The following MOV10L1 variants were observed in gnomAD, a reference collection of about 807,000 sequenced individuals.
MOV10L1 encodes the protein RNA helicase Mov10l1.
A neutral mutation model predicts 143.8 loss-of-function variants in MOV10L1; 110 were observed. The ratio of observed to expected loss-of-function variants is 0.76; its 90% confidence interval spans 0.66 to 0.90. The LOEUF (loss-of-function observed/expected upper bound fraction) is 0.90. Ranked by LOEUF, MOV10L1 falls within the 40% of genes least tolerant of loss-of-function variation. MOV10L1 has a pLI of 0.00. For missense variants in MOV10L1, 1,406 were observed against 1,526.8 expected, an observed-to-expected ratio of 0.92 and a Z score of 1.32; for synonymous variants, 593 against 581.1, an observed-to-expected ratio of 1.02 and a Z score of -0.29.
chr22:50,155,442 C>T (rs190048534), intron 22 of MOV10L1, among the ~76,000 whole-genome samples: 90 of 151,542 alleles, frequency 5.9e-4, no homozygotes, highest in African/African-American at 2.1e-3. Flanking sequence ...CGTATTTTTA[C>T]TGCTTTATCT....
chr22:50,114,245 A>G, intron 6 of MOV10L1, 136 bp from the exon 7 acceptor site: 3 of 1,136,702 alleles, frequency 2.6e-6, no homozygotes, highest in Non-Finnish European at 3.7e-6. Flanking sequence ...TTTTTACCCA[A>G]AAATGACCTT....
intron 24 of MOV10L1, among the ~76,000 whole-genome samples, chr22:50,160,123 C>T (rs1023899168): frequency 2.0e-5 from 3 of 152,028 alleles, no homozygotes; most frequent in Non-Finnish European, 1.5e-5. Flanking sequence ...TAAGACCCCG[C>T]CATCCAGACA....
Position 50,153,122 on chromosome 22 carries a change from A to G in MOV10L1, c.2970A>G (p.Glu990=). ...MLPSRLFYHR[E]LEVCADPTVV... is the part of the protein sequence containing the mutation. ...CCTCACGGCTGTTCTACCACAGGGA[A>G]CTCGAGGTCTGTGCGGACCCCACAG... The change falls in exon 22 of 27, where the codon GAA becomes GAG. Residue 990 remains glutamate (E), a synonymous_variant. Coordinates refer to ENST00000262794, the MANE Select transcript of MOV10L1 (RefSeq NM_018995.3). The G allele has an allele frequency of 6.2e-7, 1 of 1,613,834 alleles. No homozygotes were observed. The highest frequency in any genetic ancestry group is 8.5e-7 in the Non-Finnish European group (1 of 1,179,768).
intron 2 of MOV10L1, chr22:50,093,379 T>A (rs2062503957): frequency 6.6e-6 from 1 of 152,202 alleles, no homozygotes; most frequent in African/African-American, 2.4e-5. Flanking sequence ...TATAGTTTCA[T>A]TTTTTGTAGT....
intron 19 of MOV10L1, 128 bp downstream of exon 19, chr22:50,145,938 C>G (rs532012631): frequency 3.6e-6 from 5 of 1,404,070 alleles, no homozygotes; most frequent in Admixed American, 4.0e-5. Flanking sequence ...GGGCTGTGGG[C>G]GAGAAAGGCT....
At chr22:50,129,273 C>A (rs1569304711) in intron 13 of MOV10L1, among the ~76,000 whole-genome samples, 1 of 152,152 alleles carries the variant, frequency 6.6e-6, no homozygotes. Context: ...GTTTTCTTGT[C>A]GGATGAGGGG....
In MOV10L1 at chr22:50,144,616, G is replaced by C. The variant is rs368436444; in HGVS notation, c.2505+373G>C. Among the ~76,000 whole-genome samples the C allele has an allele frequency of 1.2e-3, 187 of 150,826 alleles. 4 individuals carry two copies. Among genetic ancestry groups the C allele is most frequent in the East Asian group, 5.3e-3 (27 of 5,126 alleles). On this transcript the variant is annotated intron_variant, in intron 18 of 26. Transcript: ENST00000262794. Reference sequence around the variant, plus strand: ...TTTTTTTTTGAGACGGAGTCTCGCTGTGTCGCCCAGGCTGAAGTGCAGTGG... The same window carrying C: ...TTTTTTTTTGAGACGGAGTCTCGCTCTGTCGCCCAGGCTGAAGTGCAGTGG...
intron 9 of MOV10L1, among the ~76,000 whole-genome samples, chr22:50,118,668 A>G (rs2062249492): frequency 6.6e-6 from 1 of 152,170 alleles, no homozygotes; most frequent in Admixed American, 6.6e-5. Context: ...AGGTCTGGAA[A>G]GGCCTTGGGT....
At chr22:50,091,885 G>A in intron 1 of MOV10L1, 116 bp from the exon 2 acceptor site, 6 of 936,334 alleles carry the variant, frequency 6.4e-6, no homozygotes, top group Non-Finnish European at 9.7e-6. Flanking sequence ...TTCGGAGTCA[G>A]TGCCTCCGAA....
In MOV10L1 at chr22:50,113,571, T is replaced by A. The variant is rs1381497289; in HGVS notation, c.744-77T>A. ...CCTCTGAGTGCCCCCACCAGCAGTCTATCCTCAGGAGCGGAGGCAGGCGAG... is the reference window on the plus strand; with the variant it reads ...CCTCTGAGTGCCCCCACCAGCAGTCAATCCTCAGGAGCGGAGGCAGGCGAG... On this transcript the variant is annotated intron_variant, in intron 5 of 26. Coordinates refer to ENST00000262794, the MANE Select transcript of MOV10L1 (RefSeq NM_018995.3). 1.9e-6 allele frequency: 3 copies of A among 1,550,766 alleles called. No homozygotes were observed. The African/African-American group carries it at 4.1e-5, about 21-fold the overall frequency.
At chr22:50,111,459 G>A (rs1220192917) in intron 5 of MOV10L1, among the ~76,000 whole-genome samples, 1 of 147,814 alleles carries the variant, frequency 6.8e-6, no homozygotes, top group Non-Finnish European at 1.5e-5. Flanking sequence ...TTTTGGCATG[G>A]TGAGTGGGGT....
chr22:50,131,816 C>T (rs901712054), intron 13 of MOV10L1, among the ~76,000 whole-genome samples: 5 of 152,100 alleles, frequency 3.3e-5, no homozygotes, highest in African/African-American at 1.2e-4. Flanking sequence ...TCTGTCTTGA[C>T]ACCAACATTA....
intron 15 of MOV10L1, among the ~76,000 whole-genome samples, chr22:50,136,498 C>G (rs1432876092): frequency 6.6e-6 from 1 of 152,222 alleles, no homozygotes; most frequent in Non-Finnish European, 1.5e-5. Context: ...CAATTTCAGA[C>G]ATTAACATCA....
At chr22:50,141,479 C>T (rs953359700) in intron 15 of MOV10L1, among the ~76,000 whole-genome samples, 9 of 150,716 alleles carry the variant, frequency 6.0e-5, no homozygotes, top group Admixed American at 4.7e-4. Context: ...CAGGTGAGCA[C>T]CACCATGCCC....
Position 50,159,712 on chromosome 22 carries a change from A to T in MOV10L1, c.3251A>T (p.Asp1084Val), listed in dbSNP as rs1184113312. Residue 1084 changes from aspartate (D) to valine (V), a missense_variant, in exon 24 of 27, where the codon GAT becomes GTT. This residue lies in a region of MOV10L1 where 1,233 missense variants were observed against 1,351.4 expected (regional missense o/e 0.91). Transcript: ENST00000262794. The surrounding 1 kb of genome is among the most constrained non-coding windows in gnomAD (Gnocchi z 4.1). Reference sequence around the variant, plus strand: ...ATCAGAATTCTTTTGCGTAATGTTGATCTGATGGATATAAAGGTTGGATCA... The same window carrying T: ...ATCAGAATTCTTTTGCGTAATGTTGTTCTGATGGATATAAAGGTTGGATCA... ...EKIRILLRNVDLMDIKVGSVE... is the reference protein window; with the variant it reads ...EKIRILLRNVVLMDIKVGSVE... 1 of 1,613,180 alleles carries T rather than the reference A, an allele frequency of 6.2e-7. No homozygotes were observed.
intron 19 of MOV10L1, among the ~76,000 whole-genome samples, chr22:50,147,780 A>G (rs1321978613): frequency 6.6e-6 from 1 of 152,266 alleles, no homozygotes; most frequent in African/African-American, 2.4e-5. Context: ...GGAAAGATAC[A>G]TAATGTTAAT....
At chr22:50,112,717 A>C (rs2062056383) in intron 5 of MOV10L1, among the ~76,000 whole-genome samples, 3 of 152,202 alleles carry the variant, frequency 2.0e-5, no homozygotes, top group Non-Finnish European at 4.4e-5. Context: ...ATCATGTGCC[A>C]AGCGAGCTCC....
chr22:50,121,971 C>T (rs1167421647), intron 10 of MOV10L1, among the ~76,000 whole-genome samples: 4 of 151,862 alleles, frequency 2.6e-5, no homozygotes, highest in Admixed American at 2.6e-4. Flanking sequence ...TTTTTTTTCC[C>T]CAGAGACGAG....
chr22:50,106,790 C>T (rs889168382), intron 3 of MOV10L1, among the ~76,000 whole-genome samples: 1 of 151,188 alleles, frequency 6.6e-6, no homozygotes, highest in Admixed American at 6.6e-5. Flanking sequence ...TAAGCTCTGC[C>T]TCCCGGGTTC....
Sources: gnomAD v4.1 joint callset for allele counts (sites outside exome capture counted in the v4.1 genomes callset) on GRCh38, gnomAD v4.1.1 for gene constraint, gnomAD v4.1.1 regional missense constraint, Gnocchi (gnomAD v3.1) non-coding constraint, MANE v1.5 for transcripts, NCBI Gene and HGNC (gene_info 2026-07-23, HGNC 2026-07-21) for gene names.